The following C1QTNF2 variants were observed in gnomAD, a reference collection of about 807,000 sequenced individuals.
C1QTNF2 encodes C1q and TNF related 2.
C1QTNF2 carries 15 observed loss-of-function variants against 17.4 expected under a neutral mutation model. That is an observed-to-expected ratio of 0.86 (90% CI 0.58 to 1.33). C1QTNF2 has a LOEUF of 1.33. Among genes scored for constraint, C1QTNF2 ranks in the 40% most tolerant of loss-of-function variants. The probability of loss-of-function intolerance (pLI) is 0.00; values close to 1 mark genes in which losing one functional copy is unlikely to be tolerated. For missense variants in C1QTNF2, 381 were observed against 392.3 expected (o/e 0.97, Z 0.24); for synonymous variants, 154 against 163.3 (o/e 0.94, Z 0.44).
At chr5:160,350,431 A>T (rs3923979) in intron 2 of C1QTNF2, among the ~76,000 whole-genome samples, 106,797 of 152,090 alleles carry the variant, frequency 0.7, 37,680 homozygotes, top group Middle Eastern at 0.85. Flanking sequence ...AGGCCGGGCA[A>T]GGTGGCTCGC....
intron 1 of C1QTNF2, among the ~76,000 whole-genome samples, chr5:160,367,071 TGAG>T (rs1393417866): frequency 2.0e-5 from 3 of 149,994 alleles, no homozygotes; most frequent in Non-Finnish European, 4.4e-5. Context: ...AGAGACTGGC[TGAG>T]GAGGATTAAA....
At chr5:160,355,137 C>A in intron 1 of C1QTNF2, 117 bp from the exon 2 acceptor site, 1 of 1,424,228 alleles carries the variant, frequency 7.0e-7, no homozygotes. Context: ...ATTTCTGTCT[C>A]TTGCTCTTTC....
Position 160,348,155 on chromosome 5 carries a change from C to T in C1QTNF2, c.*1013G>A, listed in dbSNP as rs1763837209. 6.6e-6 allele frequency: 1 copy of T among 152,212 alleles called. No homozygotes were observed. The highest frequency in any genetic ancestry group is 6.5e-5 in the Admixed American group (1 of 15,276). 9.4% of individuals were successfully genotyped at this position (152,212 alleles called of 1,614,324 possible). A position where few individuals can be genotyped will look rare whatever the true frequency, so the allele number is the denominator to read the frequency against. On this transcript the variant is annotated 3_prime_UTR_variant, in exon 3 of 3. Transcript: ENST00000652664. The stretch of plus-strand genomic sequence containing the variant: ...GCGATTCATTTGCGTGGGATCCATT[C>T]CTGCCATCTCAGAGCAGCGGTTCTC...
chr5:160,351,631 G>A (rs922853896), intron 2 of C1QTNF2, among the ~76,000 whole-genome samples: 10 of 152,130 alleles, frequency 6.6e-5, no homozygotes, highest in Admixed American at 6.6e-4. Flanking sequence ...TATAGAAAAA[G>A]GCCAGGAAAG....
intron 1 of C1QTNF2, among the ~76,000 whole-genome samples, chr5:160,357,822 GGAGA>G (rs1764078954): frequency 6.6e-6 from 1 of 151,074 alleles, no homozygotes; most frequent in African/African-American, 2.4e-5. Flanking sequence ...CGAGAGAGAG[GGAGA>G]GAGACTGGCA....
intron 2 of C1QTNF2, among the ~76,000 whole-genome samples, chr5:160,350,566 G>A (rs1763898572): frequency 6.6e-6 from 1 of 152,138 alleles, no homozygotes; most frequent in African/African-American, 2.4e-5. Flanking sequence ...GTCAGGCATG[G>A]TGGCATATGC....
chr5:160,351,898 T>C (rs978239519), intron 2 of C1QTNF2, among the ~76,000 whole-genome samples: 1 of 144,264 alleles, frequency 6.9e-6, no homozygotes, highest in African/African-American at 2.5e-5. Flanking sequence ...AGAAGAGGAA[T>C]AGAGACAGAA....
At chr5:160,364,708 C>T (rs1426850441) in intron 1 of C1QTNF2, among the ~76,000 whole-genome samples, 1 of 151,742 alleles carries the variant, frequency 6.6e-6, no homozygotes, top group Non-Finnish European at 1.5e-5. Context: ...CAGGTGCTAC[C>T]AAAAAAAAGT....
chr5:160,363,858 G>A (rs1023140937), intron 1 of C1QTNF2, among the ~76,000 whole-genome samples: 2 of 152,234 alleles, frequency 1.3e-5, no homozygotes, highest in African/African-American at 4.8e-5. Flanking sequence ...CAGCAGCTGT[G>A]CGAGATGTGA....
At chr5:160,350,080 A>G (rs539338773) in intron 2 of C1QTNF2, among the ~76,000 whole-genome samples, 4 of 152,288 alleles carry the variant, frequency 2.6e-5, no homozygotes, top group South Asian at 2.1e-4. Flanking sequence ...TGCCAGCTCA[A>G]TCCTTCCATG....
Position 160,349,829 on chromosome 5 carries a change from G to A in C1QTNF2, c.245-48C>T. ...TTATGGAGGGTCCTCACAGACCTAG[G>A]CAGAGGGGTGCGGTGCGGCTTGGTC... On this transcript the variant is annotated intron_variant, in intron 2 of 2. Coordinates refer to ENST00000652664, the MANE Select transcript of C1QTNF2 (RefSeq NM_031908.6). The surrounding 1 kb of genome is among the most constrained non-coding windows in gnomAD (Gnocchi z 4.3). The A allele has an allele frequency of 6.7e-7, 1 of 1,500,940 alleles. No individual in the cohort carries two copies. The highest frequency in any genetic ancestry group is 8.8e-7 in the Non-Finnish European group (1 of 1,134,550). 93.0% of individuals were successfully genotyped at this position (1,500,940 alleles called of 1,614,324 possible). A position where few individuals can be genotyped will look rare whatever the true frequency, so the allele number is the denominator to read the frequency against.
At chr5:160,361,545 G>A (rs1764154118) in intron 1 of C1QTNF2, among the ~76,000 whole-genome samples, 2 of 152,192 alleles carry the variant, frequency 1.3e-5, no homozygotes, top group Admixed American at 6.5e-5. Flanking sequence ...GTGGTTAAGA[G>A]CCATGGAACA....
In C1QTNF2 at chr5:160,354,894, C is replaced by T; in HGVS notation, c.118G>A (p.Gly40Ser). 1 of 1,604,670 alleles carries T rather than the reference C, an allele frequency of 6.2e-7. No homozygotes were observed. The highest frequency in any genetic ancestry group is 8.5e-7 in the Non-Finnish European group (1 of 1,175,994). Reference sequence around the variant, plus strand: ...GGGGGGCCGGGTGGGCCCTGGGGGCCAGGCAGGCTGCAGACCAGTTGAGGG... The same window carrying T: ...GGGGGGCCGGGTGGGCCCTGGGGGCTAGGCAGGCTGCAGACCAGTTGAGGG... ...GSPQLVCSLP[G>S]PQGPPGPPGA... Residue 40 changes from glycine (G) to serine (S), a missense_variant, in exon 2 of 3, where the codon GGC (glycine) becomes AGC (serine). Gly to Ser is a moderately conservative substitution (Grantham distance 56). Transcript: ENST00000652664.
intron 2 of C1QTNF2, among the ~76,000 whole-genome samples, chr5:160,351,910 CTTT>C (rs749184955): frequency 2.2e-5 from 3 of 136,082 alleles, no homozygotes; most frequent in Admixed American, 7.5e-5. Flanking sequence ...GAGACAGAAT[CTTT>C]TTTTTTTTTT....
chr5:160,370,429 C>G, intron 1 of C1QTNF2, 83 bp downstream of exon 1: 1 of 1,352,498 alleles, frequency 7.4e-7, no homozygotes, highest in Non-Finnish European at 9.5e-7. Context: ...CATCCCGCCC[C>G]GCCCGCAGCA....
chr5:160,364,958 TTATTATTACTG>T (rs992418488), intron 1 of C1QTNF2, among the ~76,000 whole-genome samples: 9 of 152,128 alleles, frequency 5.9e-5, no homozygotes, highest in African/African-American at 2.2e-4. Flanking sequence ...ATAGTATGGT[TTATTATTACTG>T]CCTTTGAGGC....
In C1QTNF2 at chr5:160,349,824, C is replaced by T; in HGVS notation, c.245-43G>A. ...TGGTGTTATGGAGGGTCCTCACAGA[C>T]CTAGGCAGAGGGGTGCGGTGCGGCT... is the stretch of plus-strand genomic sequence containing the variant. On this transcript the variant is annotated intron_variant, in intron 2 of 2. Transcript: ENST00000652664. This position sits in a 1 kb window ranked among gnomAD's most constrained non-coding sequence, Gnocchi z 4.3. The T allele has an allele frequency of 6.6e-7, 1 of 1,505,368 alleles. No individual in the cohort carries two copies. The highest frequency in any genetic ancestry group is 8.8e-7 in the Non-Finnish European group (1 of 1,137,194). 93.3% of individuals were successfully genotyped at this position (1,505,368 alleles called of 1,614,324 possible).
intron 2 of C1QTNF2, among the ~76,000 whole-genome samples, chr5:160,351,910 C>CT (rs749184955): frequency 0.04 from 5,451 of 136,062 alleles, 280 homozygotes; most frequent in African/African-American, 0.12. Context: ...GAGACAGAAT[C>CT]TTTTTTTTTT....
chr5:160,350,629 G>T (rs753899276), intron 2 of C1QTNF2, among the ~76,000 whole-genome samples: 33 of 152,138 alleles, frequency 2.2e-4, no homozygotes, highest in Non-Finnish European at 4.0e-4. Context: ...TTGAGCCCAC[G>T]AGTTCCAGGT....
Sources: allele counts gnomAD v4.1 joint callset (sites outside exome capture counted in the v4.1 genomes callset), GRCh38; gene constraint gnomAD v4.1.1; non-coding constraint Gnocchi (gnomAD v3.1); transcripts MANE v1.5; gene names NCBI Gene and HGNC (gene_info 2026-07-23, HGNC 2026-07-21).